The following QTMAN variants were observed in gnomAD, a reference collection of about 807,000 sequenced individuals.
QTMAN encodes tRNA-queuosine alpha-mannosyltransferase.
At chr2:144,056,443 C>T in the QTMAN span, among the ~76,000 whole-genome samples, 2 of 152,224 alleles carry the variant, frequency 1.3e-5, no homozygotes, top group African/African-American at 4.8e-5. Context: ...CCCTCTCTTG[C>T]TTCATTCTTT....
At chr2:144,069,234 T>C in the QTMAN span, among the ~76,000 whole-genome samples, 5 of 151,152 alleles carry the variant, frequency 3.3e-5, no homozygotes, top group Non-Finnish European at 7.4e-5. Flanking sequence ...AAAAAGGGCA[T>C]ATGCTTACCT....
At chr2:144,264,443 T>C in the QTMAN span, among the ~76,000 whole-genome samples, 1 of 152,218 alleles carries the variant, frequency 6.6e-6, no homozygotes. Context: ...CTATTTATCA[T>C]GCCCTGATTT....
the QTMAN span, among the ~76,000 whole-genome samples, chr2:144,273,826 C>G: frequency 1.9e-4 from 29 of 152,206 alleles, 1 homozygote; most frequent in East Asian, 4.1e-3. Context: ...GACAATGGCC[C>G]AGTGTGACAT....
the QTMAN span, chr2:143,941,479 CCTGG>C: frequency 6.6e-6 from 1 of 152,134 alleles, no homozygotes; most frequent in South Asian, 2.1e-4. Context: ...TTGAGACCAC[CCTGG>C]CTAACATGGT....
chr2:144,317,376 A>AGGAAGGAT, the QTMAN span: 52 of 120,238 alleles, frequency 4.3e-4, no homozygotes, highest in Non-Finnish European at 7.5e-4. Flanking sequence ...GAAGGAAGGA[A>AGGAAGGAT]GGAAGGATGG....
At chr2:144,208,574 G>A in the QTMAN span, 65 of 1,590,476 alleles carry the variant, frequency 4.1e-5, no homozygotes, top group Non-Finnish European at 4.9e-5. Flanking sequence ...TTTAAAAAAC[G>A]CTGAAAATGC....
chr2:144,086,874 C>T, the QTMAN span, among the ~76,000 whole-genome samples: 1 of 152,082 alleles, frequency 6.6e-6, no homozygotes, highest in Non-Finnish European at 1.5e-5. Context: ...CTTTTATCTA[C>T]CCAGACACTA....
the QTMAN span, among the ~76,000 whole-genome samples, chr2:144,164,828 T>C: frequency 2.0e-5 from 3 of 152,256 alleles, no homozygotes; most frequent in South Asian, 6.2e-4. Flanking sequence ...AAAATGAAAT[T>C]ATTATTATTG....
the QTMAN span, among the ~76,000 whole-genome samples, chr2:144,086,354 T>C: frequency 6.6e-6 from 1 of 152,310 alleles, no homozygotes; most frequent in Admixed American, 6.5e-5. Flanking sequence ...GCTGTGTTAC[T>C]CAGGCTGGTC....
the QTMAN span, among the ~76,000 whole-genome samples, chr2:144,262,692 A>G: frequency 2.2e-5 from 1 of 45,612 alleles, no homozygotes; most frequent in Non-Finnish European, 4.0e-5. Context: ...TGAGAGGGGA[A>G]GGGAAAGGTA....
the QTMAN span, chr2:143,943,252 C>A: frequency 6.6e-6 from 1 of 152,158 alleles, no homozygotes; most frequent in Admixed American, 6.5e-5. Flanking sequence ...GAAGAGAGGG[C>A]ATAGGATAGG....
chr2:143,948,427 T>A, the QTMAN span, among the ~76,000 whole-genome samples: 1 of 152,160 alleles, frequency 6.6e-6, no homozygotes, highest in Non-Finnish European at 1.5e-5. Flanking sequence ...AAAGCAAGAA[T>A]GGCATCTCTC....
At chr2:144,262,958 G>T in the QTMAN span, among the ~76,000 whole-genome samples, 1 of 86,092 alleles carries the variant, frequency 1.2e-5, no homozygotes, top group East Asian at 4.7e-4. Context: ...ATAGGGGAAG[G>T]GAGGAGAGGG....
the QTMAN span, among the ~76,000 whole-genome samples, chr2:144,055,318 CACACACAG>C: frequency 6.7e-5 from 10 of 148,156 alleles, no homozygotes; most frequent in East Asian, 6.0e-4. Context: ...GGAACACACA[CACACACAG>C]ACACACAGAC....
At chr2:144,297,727 C>T in the QTMAN span, among the ~76,000 whole-genome samples, 3 of 151,446 alleles carry the variant, frequency 2.0e-5, no homozygotes, top group South Asian at 2.1e-4. Context: ...ACTACAGGTG[C>T]GTGCCACCAC....
the QTMAN span, among the ~76,000 whole-genome samples, chr2:144,009,132 G>GA: frequency 6.6e-6 from 1 of 152,036 alleles, no homozygotes; most frequent in East Asian, 1.9e-4. Flanking sequence ...TAGTGTAGGG[G>GA]AAAAGCAAGC....
the QTMAN span, among the ~76,000 whole-genome samples, chr2:144,274,363 T>C: frequency 9.7e-4 from 147 of 152,316 alleles, 1 homozygote; most frequent in East Asian, 0.023. Context: ...GAGCATCTAT[T>C]GTTCTAATGA....
At chr2:144,257,363 G>A in the QTMAN span, among the ~76,000 whole-genome samples, 1 of 151,610 alleles carries the variant, frequency 6.6e-6, no homozygotes, top group African/African-American at 2.4e-5. Flanking sequence ...AATAGGAAAG[G>A]TTTCTCCAGA....
chr2:143,943,541 A>G, the QTMAN span: 5 of 152,236 alleles, frequency 3.3e-5, no homozygotes, highest in Admixed American at 2.6e-4. Context: ...TTTGTGGCTC[A>G]TAATATTTCT....
Sources: gnomAD v4.1 joint callset for allele counts (sites outside exome capture counted in the v4.1 genomes callset) on GRCh38, gnomAD v4.1.1 for gene constraint, MANE v1.5 for transcripts, NCBI Gene and HGNC (gene_info 2026-07-23, HGNC 2026-07-21) for gene names.